Variants in MSH6 observed in about 807,000 individuals in gnomAD.
The protein encoded by MSH6 is DNA mismatch repair protein Msh6.
A neutral mutation model predicts 119.1 loss-of-function variants in MSH6; 85 were observed. That is an observed-to-expected ratio of 0.71 (90% confidence interval 0.60 to 0.85). The LOEUF (loss-of-function observed/expected upper bound fraction) is 0.85, where lower values mean the gene tolerates loss of function less well. MSH6 is among the 40% of genes least tolerant of loss of function. The pLI is 0.00. For missense variants in MSH6, 2,163 were observed against 1,655.3 expected, an observed-to-expected ratio of 1.31 and a Z score of -5.32; for synonymous variants, 830 against 586.9, an observed-to-expected ratio of 1.41 and a Z score of -5.99.
At chr2:47,809,400 G>C (rs775253664), downstream of MSH6, 6 of 688,694 alleles carry the variant, frequency 8.7e-6, no homozygotes, top group Non-Finnish European at 9.5e-6. Flanking sequence ...TGAAGTAATT[G>C]TAAGAAATCA....
intron 1 of MSH6, chr2:47,789,520 C>A: frequency 2.3e-6 from 1 of 427,160 alleles, no homozygotes; most frequent in Admixed American, 3.2e-5. Flanking sequence ...TCTTTTAAAG[C>A]ATGAGACCTC....
chr2:47,795,248 T>G (rs1260629330), intron 2 of MSH6, among the ~76,000 whole-genome samples: 1 of 152,154 alleles, frequency 6.6e-6, no homozygotes, highest in Non-Finnish European at 1.5e-5. Flanking sequence ...GGAGGTAAAA[T>G]TGGTGATTTT....
At chr2:47,803,769 A>G (rs1669780950) in intron 5 of MSH6, 84 bp downstream of exon 5, 6 of 1,545,356 alleles carry the variant, frequency 3.9e-6, no homozygotes, top group Non-Finnish European at 1.8e-6. Context: ...TTCCAAACAC[A>G]GTTACATAAA....
At chr2:47,808,028 T>C (rs1670346229), downstream of MSH6, 16 of 1,187,808 alleles carry the variant, frequency 1.3e-5, 1 homozygote, top group South Asian at 2.0e-4. Context: ...TCTCTTCCTG[T>C]AGCATGGGCA....
downstream of MSH6, chr2:47,808,449 T>A: frequency 6.4e-7 from 1 of 1,556,778 alleles, no homozygotes; most frequent in Non-Finnish European, 8.7e-7. Context: ...AAGCTTAAAT[T>A]ACTTTTCTCA....
Position 47,799,260 on chromosome 2 carries a change from G to T in MSH6, c.1277G>T (p.Cys426Phe). The part of the protein sequence containing the change: ...IKSQNFDLVI[C>F]YKVGKFYELY... ...TCTCAGAACTTTGATCTTGTCATCT[G>T]TTACAAGGTGGGGAAATTTTATGAG... is the stretch of plus-strand genomic sequence containing the variant. The change falls in exon 4 of 10, where the codon TGT becomes TTT. Residue 426 changes from cysteine to phenylalanine, a missense_variant. Cys to Phe is a radical substitution (Grantham distance 205, BLOSUM62 -2). Coordinates refer to ENST00000234420, the MANE Select transcript of MSH6 (RefSeq NM_000179.3). 1 of 1,614,120 alleles carries T rather than the reference G, an allele frequency of 6.2e-7. No individual in the cohort carries two copies. Among genetic ancestry groups the T allele is most frequent in the Non-Finnish European group, 8.5e-7 (1 of 1,180,028 alleles).
chr2:47,785,301 C>T (rs1437514750), intron 1 of MSH6, among the ~76,000 whole-genome samples: 4 of 152,154 alleles, frequency 2.6e-5, no homozygotes, highest in African/African-American at 7.2e-5. Flanking sequence ...TTTCTCGGCT[C>T]ACTGCAACCT....
At chr2:47,783,879 G>C (rs1668174900) in intron 1 of MSH6, 2 of 956,062 alleles carry the variant, frequency 2.1e-6, no homozygotes, top group Non-Finnish European at 2.5e-6. Context: ...AGGGGAAGGC[G>C]CCCGGCCCAC....
chr2:47,791,851 ATATTT>A (rs964292759), intron 2 of MSH6, among the ~76,000 whole-genome samples: 2 of 147,250 alleles, frequency 1.4e-5, no homozygotes, highest in African/African-American at 5.1e-5. Flanking sequence ...CTATATATAT[ATATTT>A]TTTTTTTGAG....
At chr2:47,798,513 G>C in intron 3 of MSH6, 98 bp from the exon 4 acceptor site, 1 of 1,264,214 alleles carries the variant, frequency 7.9e-7, no homozygotes, top group South Asian at 1.3e-5. Flanking sequence ...GGCTGCACGG[G>C]TACCATTATA....
At chr2:47,808,076 TATG>T, downstream of MSH6, 2 of 1,539,822 alleles carry the variant, frequency 1.3e-6, no homozygotes, top group Non-Finnish European at 1.8e-6. Flanking sequence ...TGTTTTAAGT[TATG>T]ATGTTACAAT....
downstream of MSH6, chr2:47,807,498 C>G (rs1490102209): frequency 9.6e-6 from 2 of 207,846 alleles, no homozygotes; most frequent in African/African-American, 2.3e-5. Context: ...TTAGTGTTTT[C>G]TCTTTCATAG....
chr2:47,799,217 A>C lies in MSH6; in HGVS notation c.1234A>C (p.Lys412Gln), dbSNP rs1669310607. The C allele has an allele frequency of 6.2e-7, 1 of 1,614,138 alleles. No individual in the cohort carries two copies. Among genetic ancestry groups the C allele is most frequent in the African/African-American group, 1.3e-5 (1 of 75,026 alleles). The change falls in exon 4 of 10, where the codon AAG becomes CAG. Residue 412 changes from lysine to glutamine, a missense_variant. Coordinates refer to ENST00000234420, the MANE Select transcript of MSH6 (RefSeq NM_000179.3). ...FLNSCTPGMR[K>Q]WWQIKSQNFD... ...CAATTCTTGTACTCCTGGGATGAGG[A>C]AGTGGTGGCAGATTAAGTCTCAGAA...
Position 47,803,506 on chromosome 2 carries a change from C to A in MSH6, c.3259C>A (p.Pro1087Thr), listed in dbSNP as rs63750998. 4.2e-5 allele frequency: 68 copies of A among 1,614,002 alleles called. No homozygotes were observed. Among genetic ancestry groups the A allele is most frequent in the South Asian group, 3.5e-4 (32 of 91,074 alleles). ...AATTCTGTTGCCGGAAGATACCCCC[C>A]CCTTCTTAGAGCTTAAAGGATCACG... ...PVILLPEDTP[P>T]FLELKGSRHP... Residue 1087 changes from proline (P) to threonine (T), a missense_variant, in exon 5 of 10, where the codon CCC (proline) becomes ACC (threonine). Physicochemically the swap from Pro to Thr is conservative, Grantham distance 38. Coordinates refer to ENST00000234420, the MANE Select transcript of MSH6 (RefSeq NM_000179.3).
At chr2:47,787,002 GGTTA>G (rs1668389526) in intron 1 of MSH6, among the ~76,000 whole-genome samples, 2 of 152,264 alleles carry the variant, frequency 1.3e-5, no homozygotes, top group South Asian at 4.2e-4. Flanking sequence ...TTTTCTCTGT[GGTTA>G]GTGTTTCTAT....
chr2:47,800,286 C>A lies in MSH6; in HGVS notation c.2303C>A (p.Pro768His), dbSNP rs773162893. Residue 768 changes from proline to histidine, a missense_variant, in exon 4 of 10, where the codon CCT (proline) becomes CAT (histidine). By Grantham distance (77) the Pro-to-His change is moderately conservative. Transcript: ENST00000234420. ...GAGAGGGTTGATACTTGCCATACTC[C>A]TTTTGGTAAGCGGCTCCTAAAGCAA... ...LLERVDTCHT[P>H]FGKRLLKQWL... 1.2e-6 allele frequency: 2 copies of A among 1,614,046 alleles called. No individual in the cohort carries two copies. Among genetic ancestry groups the A allele is most frequent in the South Asian group, 2.2e-5 (2 of 91,062 alleles).
rs370226185 is a variant in MSH6, at chr2:47,803,508, C to T, written c.3261C>T (p.Pro1087=). Residue 1087 remains proline (P), a synonymous_variant, in exon 5 of 10, where the codon CCC becomes CCT. Transcript: ENST00000234420. ...TTCTGTTGCCGGAAGATACCCCCCC[C>T]TTCTTAGAGCTTAAAGGATCACGCC... ...PVILLPEDTP[P]FLELKGSRHP... 1.5e-5 allele frequency: 25 copies of T among 1,614,022 alleles called. No homozygotes were observed. The South Asian group carries it at 1.9e-4, about 12-fold the overall frequency.
At position 47,798,943 on chromosome 2, in the gene MSH6, C is replaced by G. The variant is rs575325950; in HGVS notation, c.960C>G (p.Pro320=). ...LKRKSSRKET[P]SATKQATSIS... ...GGAAAAGCTCTAGGAAGGAAACGCCCTCAGCCACCAAACAAGCAACTAGCA... is the reference window on the plus strand; with the variant it reads ...GGAAAAGCTCTAGGAAGGAAACGCCGTCAGCCACCAAACAAGCAACTAGCA... Residue 320 remains proline, a synonymous_variant, in exon 4 of 10, where the codon CCC becomes CCG. Coordinates refer to ENST00000234420, the MANE Select transcript of MSH6 (RefSeq NM_000179.3). 1 of 1,614,162 alleles carries G rather than the reference C, an allele frequency of 6.2e-7. No individual in the cohort carries two copies. Among genetic ancestry groups the G allele is most frequent in the Non-Finnish European group, 8.5e-7 (1 of 1,180,036 alleles).
intron 2 of MSH6, among the ~76,000 whole-genome samples, chr2:47,793,386 T>G (rs3136294): frequency 6.8e-6 from 1 of 147,010 alleles, no homozygotes; most frequent in African/African-American, 2.5e-5. Context: ...TCCCAACACT[T>G]TGGGAGGCCC....
Sources: allele counts gnomAD v4.1 joint callset (sites outside exome capture counted in the v4.1 genomes callset), GRCh38; gene constraint gnomAD v4.1.1; transcripts MANE v1.5; gene names NCBI Gene and HGNC (gene_info 2026-07-23, HGNC 2026-07-21).